The following MGA variants were observed in gnomAD, a reference collection of about 807,000 sequenced individuals.
MGA encodes MAX dimerization protein MGA, also known as MAX gene-associated protein.
MGA carries 40 observed loss-of-function variants against 261.1 expected under a neutral mutation model. That is an observed-to-expected ratio of 0.15 (90% CI 0.12 to 0.20). The LOEUF (loss-of-function observed/expected upper bound fraction) is 0.20. Among genes scored for constraint, MGA ranks in the 10% least tolerant of loss-of-function variants. The probability of loss-of-function intolerance (pLI) is 1.00; values close to 1 mark genes in which losing one functional copy is unlikely to be tolerated. For missense variants in MGA, 3,397 were observed against 3,630.5 expected, an observed-to-expected ratio of 0.94 and a Z score of 1.65; for synonymous variants, 1,302 against 1,290.6, an observed-to-expected ratio of 1.01 and a Z score of -0.19.
At chr15:41,708,934 A>G (rs2060248166) in intron 7 of MGA, among the ~76,000 whole-genome samples, 1 of 152,274 alleles carries the variant, frequency 6.6e-6, no homozygotes, top group Middle Eastern at 3.4e-3. Flanking sequence ...TTCGTTTGCA[A>G]TTTAACCAGA....
chr15:41,765,380 A>C (rs1386005992), intron 23 of MGA, among the ~76,000 whole-genome samples: 1 of 152,208 alleles, frequency 6.6e-6, no homozygotes, highest in Non-Finnish European at 1.5e-5. Context: ...AATATTTGTC[A>C]CTTTTTGTGG....
intron 13 of MGA, among the ~76,000 whole-genome samples, chr15:41,738,353 C>G (rs1052960954): frequency 6.6e-6 from 1 of 152,182 alleles, no homozygotes; most frequent in Non-Finnish European, 1.5e-5. Context: ...CGAGATCACG[C>G]CACTGCATTC....
intron 1 of MGA, among the ~76,000 whole-genome samples, chr15:41,661,505 C>G (rs905919129): frequency 1.3e-5 from 2 of 152,082 alleles, no homozygotes; most frequent in African/African-American, 2.4e-5. Context: ...TGCCTTCTTT[C>G]TCTGGCCGGG....
chr15:41,624,362 C>T (rs576914611), intron 1 of MGA, among the ~76,000 whole-genome samples: 1 of 152,224 alleles, frequency 6.6e-6, no homozygotes, highest in African/African-American at 2.4e-5. Context: ...ATTCTTCTGC[C>T]TCAGCCTCTC....
rs768193471 is a variant in MGA at position 41,766,835 on chromosome 15, A to C, written c.8753A>C (p.Glu2918Ala). The change falls in exon 24 of 24, where the codon GAA becomes GCA. Residue 2918 changes from glutamate to alanine, a missense_variant. By Grantham distance (107) the Glu-to-Ala change is moderately radical. Coordinates refer to ENST00000219905, the MANE Select transcript of MGA (RefSeq NM_001164273.2). The stretch of plus-strand genomic sequence containing the variant: ...TCTGAGAATGAAAAACAACTTGCAG[A>C]ACCAGCCTCTGAGCCAGATGTCCTT... 9 of 1,613,898 alleles carry C rather than the reference A, an allele frequency of 5.6e-6. No homozygotes were observed. The highest frequency in any genetic ancestry group is 6.8e-6 in the Non-Finnish European group (8 of 1,179,904).
intron 1 of MGA, among the ~76,000 whole-genome samples, chr15:41,650,714 A>T (rs1474268966): frequency 1.3e-5 from 2 of 152,234 alleles, no homozygotes; most frequent in African/African-American, 4.8e-5. Context: ...CTGAGATTAC[A>T]GGCGTGAGAC....
intron 1 of MGA, among the ~76,000 whole-genome samples, chr15:41,647,754 C>CT (rs34246274): frequency 0.3 from 44,877 of 151,982 alleles, 7,541 homozygotes; most frequent in Admixed American, 0.38. Context: ...TAAGGTTCAC[C>CT]TTTTTTATCT....
At position 41,742,918 on chromosome 15, in the gene MGA, A is replaced by G. The variant is rs889705782; in HGVS notation, c.4958A>G (p.Gln1653Arg). 1.2e-6 allele frequency: 2 copies of G among 1,613,910 alleles called. No homozygotes were observed. The highest frequency in any genetic ancestry group is 2.2e-5 in the East Asian group (1 of 44,904). The change falls in exon 15 of 24, where the codon CAG becomes CGG. Residue 1653 changes from glutamine (Q) to arginine (R), a missense_variant. Physicochemically the swap from Gln to Arg is conservative, Grantham distance 43. Coordinates refer to ENST00000219905, the MANE Select transcript of MGA (RefSeq NM_001164273.2). ...ACCAGCACCTCTGTAACATCTACCC[A>G]GTCTACAGCCACTGTGAACCTTACC...
intron 1 of MGA, among the ~76,000 whole-genome samples, chr15:41,649,601 G>A (rs139749840): frequency 4.4e-4 from 67 of 152,200 alleles, no homozygotes; most frequent in African/African-American, 1.6e-3. Flanking sequence ...AGGGAGAGGA[G>A]GATATGTAGT....
In MGA at chr15:41,764,354, C is replaced by T. The variant is rs1273254329; in HGVS notation, c.7745-532C>T. Among the ~76,000 whole-genome samples, 3 of 151,080 alleles carry T rather than the reference C, an allele frequency of 2.0e-5. No individual in the cohort carries two copies. The East Asian group carries it at 5.9e-4, about 30-fold the overall frequency. On this transcript the variant is annotated intron_variant, in intron 22 of 23. Coordinates refer to ENST00000219905, the MANE Select transcript of MGA (RefSeq NM_001164273.2). ...CTGCCAGCTCCGCCTCCCAGGTTCACGCCATTCTTCTGCCTCAGCCTGCCG... is the reference window on the plus strand; with the variant it reads ...CTGCCAGCTCCGCCTCCCAGGTTCATGCCATTCTTCTGCCTCAGCCTGCCG...
exon 1 of MGA, chr15:41,621,247 C>G (rs1249385139): frequency 6.6e-6 from 1 of 152,224 alleles, no homozygotes. Context: ...CATCGGGGAG[C>G]GCCCAAGGGC....
chr15:41,711,816 C>A (rs2060402448), intron 8 of MGA, among the ~76,000 whole-genome samples: 2 of 152,120 alleles, frequency 1.3e-5, no homozygotes, highest in South Asian at 4.1e-4. Context: ...CTGCCTCAGC[C>A]TTTCGAGTAG....
In MGA at chr15:41,736,641, A is replaced by T. The variant is rs2061792065; in HGVS notation, c.4377A>T (p.Ala1459=). The change falls in exon 13 of 24, where the codon GCA becomes GCT. Residue 1459 remains alanine, a synonymous_variant. Transcript: ENST00000219905. Reference sequence around the variant, plus strand: ...CTTTTTATGCAGGGCTTTCTCCTGCAGGGAAGCTTGTGGCCTATAAACGTA... The same window carrying T: ...CTTTTTATGCAGGGCTTTCTCCTGCTGGGAAGCTTGTGGCCTATAAACGTA... 6.2e-7 allele frequency: 1 copy of T among 1,613,952 alleles called. No homozygotes were observed. Among genetic ancestry groups the T allele is most frequent in the Non-Finnish European group, 8.5e-7 (1 of 1,179,854 alleles).
chr15:41,663,317 A>T (rs1050676108), intron 1 of MGA, among the ~76,000 whole-genome samples: 4 of 152,104 alleles, frequency 2.6e-5, no homozygotes, highest in Non-Finnish European at 1.5e-5. Flanking sequence ...TAAAAAAAAA[A>T]TTTGATGTTG....
chr15:41,738,509 TGAG>T (rs1216564351), intron 13 of MGA, among the ~76,000 whole-genome samples: 1 of 152,206 alleles, frequency 6.6e-6, no homozygotes, highest in African/African-American at 2.4e-5. Flanking sequence ...ATACTCTTGA[TGAG>T]GAGAACAGTA....
rs374037802 is a variant in MGA, at chr15:41,713,237, A to G, written c.3171A>G (p.Val1057=). The stretch of plus-strand genomic sequence containing the variant: ...ATGACTTCTGTCGACTGGGTTGTGT[A>G]TGTTCCAGTCTAGCTTTGGAGAAGC... The change falls in exon 9 of 24, where the codon GTA becomes GTG. Residue 1057 remains valine (V), a synonymous_variant. Transcript: ENST00000219905. The G allele has an allele frequency of 1.1e-5, 18 of 1,613,894 alleles. No individual in the cohort carries two copies. Among genetic ancestry groups the G allele is most frequent in the Non-Finnish European group, 1.4e-5 (17 of 1,179,908 alleles).
chr15:41,694,277 G>A (rs1383918217), intron 2 of MGA, among the ~76,000 whole-genome samples: 3 of 152,020 alleles, frequency 2.0e-5, no homozygotes, highest in South Asian at 2.1e-4. Flanking sequence ...TTAGCCGGGC[G>A]TGTTGGTGCA....
chr15:41,629,207 T>A (rs374900159), intron 1 of MGA, among the ~76,000 whole-genome samples: 14 of 151,778 alleles, frequency 9.2e-5, no homozygotes, highest in African/African-American at 3.1e-4. Context: ...AGTCATTGAA[T>A]TCAGGGCATG....
chr15:41,690,688 C>G (rs1011102935), intron 2 of MGA, among the ~76,000 whole-genome samples: 55 of 152,066 alleles, frequency 3.6e-4, no homozygotes, highest in African/African-American at 1.3e-3. Context: ...AACCCTGTCT[C>G]TACTAAAGAG....
Sources: allele counts gnomAD v4.1 joint callset (sites outside exome capture counted in the v4.1 genomes callset), GRCh38; gene constraint gnomAD v4.1.1; transcripts MANE v1.5; gene names NCBI Gene and HGNC (gene_info 2026-07-23, HGNC 2026-07-21).